TACC2: variants seen among roughly 807,000 people sequenced by gnomAD.
The protein encoded by TACC2 is transforming acidic coiled-coil-containing protein 2.
Under a neutral mutation model 227.3 loss-of-function variants are expected in TACC2, and 137 were observed. The observed-to-expected ratio is 0.60, with a 90% CI of 0.52 to 0.69. The LOEUF (loss-of-function observed/expected upper bound fraction) is 0.69, where lower values mean the gene tolerates loss of function less well. Ranked by LOEUF, TACC2 falls within the 30% of genes least tolerant of loss-of-function variation. TACC2 has a pLI of 0.00. For synonymous variants in TACC2, 1,523 were observed against 1,487.5 expected, an observed-to-expected ratio of 1.02 and a Z score of -0.55; for missense variants, 3,470 against 3,694.4, an observed-to-expected ratio of 0.94 and a Z score of 1.57.
chr10:122,120,514 G>A (rs2085525268), intron 5 of TACC2, among the ~76,000 whole-genome samples: 1 of 152,116 alleles, frequency 6.6e-6, no homozygotes, highest in South Asian at 2.1e-4. Flanking sequence ...GCACCCACTT[G>A]GCTCTCAGCA....
chr10:122,068,072 A>G (rs1346351826), intron 3 of TACC2, among the ~76,000 whole-genome samples: 1 of 152,040 alleles, frequency 6.6e-6, no homozygotes, highest in East Asian at 1.9e-4. Context: ...TATATCTTGA[A>G]GTTCACTAAT....
At chr10:122,200,135 G>T (rs538706485) in intron 8 of TACC2, among the ~76,000 whole-genome samples, 2 of 152,378 alleles carry the variant, frequency 1.3e-5, no homozygotes, top group East Asian at 3.9e-4. Context: ...TCTTCACAAT[G>T]TGAGTGTTTC....
At chr10:122,052,540 A>C (rs1011547044) in intron 3 of TACC2, 1 of 151,956 alleles carries the variant, frequency 6.6e-6, no homozygotes, top group Non-Finnish European at 1.5e-5. Flanking sequence ...AAAATTAGCC[A>C]GGCGTGGTGG....
At chr10:122,080,211 C>CTTTTTTTTTTTTTTTTTTT (rs111618289) in intron 3 of TACC2, among the ~76,000 whole-genome samples, 1 of 113,200 alleles carries the variant, frequency 8.8e-6, no homozygotes, top group Admixed American at 9.5e-5. Flanking sequence ...TCTTCCTTTC[C>CTTTTTTTTTTTTTTTTTTT]TTTTTTTTTT....
intron 1 of TACC2, among the ~76,000 whole-genome samples, chr10:122,001,678 T>G (rs1954367380): frequency 6.6e-6 from 1 of 152,260 alleles, no homozygotes; most frequent in Non-Finnish European, 1.5e-5. Context: ...TTTCATTTTT[T>G]AAACTTTTGA....
At chr10:122,134,812 G>A (rs1468084956) in intron 6 of TACC2, among the ~76,000 whole-genome samples, 3 of 152,232 alleles carry the variant, frequency 2.0e-5, no homozygotes, top group South Asian at 2.1e-4. Flanking sequence ...AGGAGAGGAT[G>A]GCGCTGGACT....
At position 122,210,727 on chromosome 10, in the gene TACC2, G is replaced by C. The variant is rs1390452206; in HGVS notation, c.6302G>C (p.Gly2101Ala). The C allele has an allele frequency of 1.2e-6, 2 of 1,613,844 alleles. No homozygotes were observed. Among genetic ancestry groups the C allele is most frequent in the Admixed American group, 3.3e-5 (2 of 59,990 alleles). Residue 2101 changes from glycine to alanine, a missense_variant, in exon 9 of 23, where the codon GGC becomes GCC. Transcript: ENST00000369005. This position sits in a 1 kb window ranked among gnomAD's most constrained non-coding sequence, Gnocchi z 4.6. Reference sequence around the variant, plus strand: ...GACTTTGATGGTGCTTCTTCCTCAGGCAATCCCGAGGCCGTGGCCCTTGCC... The same window carrying C: ...GACTTTGATGGTGCTTCTTCCTCAGCCAATCCCGAGGCCGTGGCCCTTGCC... The part of the protein sequence containing the change: ...ASDFDGASSS[G>A]NPEAVALAPD...
At chr10:122,008,264 A>ATTATTTTTTTTTTTTTT in intron 1 of TACC2, among the ~76,000 whole-genome samples, 8 of 134,654 alleles carry the variant, frequency 5.9e-5, no homozygotes, top group African/African-American at 1.1e-4. Flanking sequence ...TATTATTATT[A>ATTATTTTTTTTTTTTTT]TTTTTTTTTT....
Position 122,211,100 on chromosome 10 carries a change from C to G in TACC2, c.6675C>G (p.Asn2225Lys). The change falls in exon 9 of 23, where the codon AAC becomes AAG. Residue 2225 changes from asparagine (N) to lysine (K), a missense_variant. Physicochemically the swap from Asn to Lys is moderately conservative, Grantham distance 94 (BLOSUM62 0). Transcript: ENST00000369005. Reference protein sequence around the residue: ...PPASGGGRVQNSPPVGRKTLP... With the variant: ...PPASGGGRVQKSPPVGRKTLP... ...CTTCTGGAGGTGGCAGAGTGCAGAA[C>G]TCACCCCCTGTCGGGAGGAAAACGC... 1 of 1,612,496 alleles carries G rather than the reference C, an allele frequency of 6.2e-7. No individual in the cohort carries two copies. Among genetic ancestry groups the G allele is most frequent in the Non-Finnish European group, 8.5e-7 (1 of 1,179,324 alleles).
chr10:122,069,761 G>A (rs2077824753), intron 3 of TACC2, among the ~76,000 whole-genome samples: 1 of 152,214 alleles, frequency 6.6e-6, no homozygotes, highest in East Asian at 1.9e-4. Flanking sequence ...TATTTTGGAA[G>A]AGGTGGGGAG....
intron 6 of TACC2, among the ~76,000 whole-genome samples, chr10:122,135,500 T>C (rs1369890612): frequency 2.0e-5 from 3 of 152,196 alleles, no homozygotes; most frequent in Non-Finnish European, 4.4e-5. Flanking sequence ...GACTAAGGAA[T>C]GAGCAATTTT....
intron 1 of TACC2, among the ~76,000 whole-genome samples, chr10:122,003,472 T>C (rs1954670853): frequency 6.6e-6 from 1 of 152,172 alleles, no homozygotes; most frequent in African/African-American, 2.4e-5. Flanking sequence ...ATATATGTAA[T>C]GTTTTTGCTG....
intron 9 of TACC2, among the ~76,000 whole-genome samples, chr10:122,212,406 T>C (rs1246018065): frequency 6.6e-6 from 1 of 152,154 alleles, no homozygotes; most frequent in East Asian, 1.9e-4. Context: ...CCCCAGACAC[T>C]TGACAAGGCC....
intron 7 of TACC2, among the ~76,000 whole-genome samples, chr10:122,187,484 TTTTC>T (rs1230627830): frequency 2.0e-5 from 3 of 152,104 alleles, no homozygotes; most frequent in East Asian, 1.9e-4. Context: ...CCCAAATTTC[TTTTC>T]TTTCTTTCTT....
At chr10:122,099,540 C>T (rs1373744423) in intron 5 of TACC2, among the ~76,000 whole-genome samples, 1 of 152,200 alleles carries the variant, frequency 6.6e-6, no homozygotes, top group Non-Finnish European at 1.5e-5. Flanking sequence ...TCCTGTTGAA[C>T]TCTAATCTGA....
intron 2 of TACC2, among the ~76,000 whole-genome samples, chr10:122,024,489 A>C (rs73368368): frequency 0.085 from 12,929 of 152,224 alleles, 646 homozygotes; most frequent in South Asian, 0.18. Flanking sequence ...CAGTCAAGAT[A>C]ACAGACCATG....
At chr10:122,033,589 A>T (rs1959206635) in intron 2 of TACC2, among the ~76,000 whole-genome samples, 1 of 152,126 alleles carries the variant, frequency 6.6e-6, no homozygotes, top group African/African-American at 2.4e-5. Context: ...TAAATTCTGA[A>T]TCAGCTGTCA....
intron 5 of TACC2, among the ~76,000 whole-genome samples, chr10:122,119,811 C>T (rs762350119): frequency 2.0e-5 from 3 of 151,922 alleles, no homozygotes; most frequent in Admixed American, 2.0e-4. Context: ...CTCAGCTACT[C>T]GGGAGGCTGA....
At chr10:122,002,694 G>A (rs1282683121) in intron 1 of TACC2, among the ~76,000 whole-genome samples, 2 of 152,148 alleles carry the variant, frequency 1.3e-5, no homozygotes, top group Non-Finnish European at 2.9e-5. Flanking sequence ...TGTAACTTTA[G>A]TGGTGTCATT....
Sources: allele counts gnomAD v4.1 joint callset (sites outside exome capture counted in the v4.1 genomes callset), GRCh38; gene constraint gnomAD v4.1.1; non-coding constraint Gnocchi (gnomAD v3.1); transcripts MANE v1.5; gene names NCBI Gene and HGNC (gene_info 2026-07-23, HGNC 2026-07-21).